The following TRAF2 variants were observed in gnomAD, a reference collection of about 807,000 sequenced individuals.
TRAF2 encodes TNF receptor associated factor 2, also known as TNF receptor-associated factor 2.
In TRAF2, 6 loss-of-function variants were observed where a neutral mutation model predicts 55.6. The observed-to-expected ratio is 0.11, with a 90% CI of 0.06 to 0.21. The LOEUF is 0.21. TRAF2 is among the 10% of genes least tolerant of loss of function. The pLI, the probability that TRAF2 is intolerant of heterozygous loss-of-function variation, is 1.00. For synonymous variants in TRAF2, 329 were observed against 276.3 expected (o/e 1.19, Z -1.89); for missense variants, 561 against 684.5 (o/e 0.82, Z 2.01).
intron 1 of TRAF2, among the ~76,000 whole-genome samples, chr9:136,891,682 A>G (rs891577665): frequency 1.3e-5 from 2 of 150,570 alleles, no homozygotes; most frequent in Non-Finnish European, 3.0e-5. Context: ...GCACCAGGAC[A>G]CTCTTCAGTG....
rs764756357 is a variant in TRAF2 at position 136,908,225 on chromosome 9, C to T, written c.522C>T (p.Asp174=). The change falls in exon 5 of 11, where the codon GAC becomes GAT. Residue 174 remains aspartate, a synonymous_variant. Transcript: ENST00000247668. ...GCCGGGCACCCTGCTGCGGAGCAGA[C>T]GTGAAGGTGCGTGGGGTGGAGCAGC... The part of the protein sequence containing the change: ...RHCRAPCCGA[D]VKAHHEVCPK... 20 of 1,578,532 alleles carry T rather than the reference C, an allele frequency of 1.3e-5. No individual in the cohort carries two copies. Among genetic ancestry groups the T allele is most frequent in the Middle Eastern group, 1.7e-4 (1 of 5,964 alleles).
chr9:136,915,557 G>T (rs534680865), intron 6 of TRAF2, among the ~76,000 whole-genome samples: 3 of 152,222 alleles, frequency 2.0e-5, no homozygotes, highest in African/African-American at 7.2e-5. Context: ...ACCGAGAGCT[G>T]ATTTCAGGTA....
chr9:136,914,127 G>T (rs781557798), intron 6 of TRAF2, among the ~76,000 whole-genome samples: 1 of 152,254 alleles, frequency 6.6e-6, no homozygotes, highest in Middle Eastern at 3.4e-3. Context: ...GGGCCTGGGG[G>T]TTGCCCTCCT....
chr9:136,911,771 G>A (rs867470276), intron 6 of TRAF2, among the ~76,000 whole-genome samples: 4 of 151,656 alleles, frequency 2.6e-5, no homozygotes, highest in African/African-American at 7.3e-5. Flanking sequence ...CCCCTGGCCC[G>A]TTCCAGAGGA....
chr9:136,914,093 C>T lies in TRAF2; in HGVS notation c.604-2448C>T, dbSNP rs143755511. Among the ~76,000 whole-genome samples, 73 of 152,306 alleles carry T rather than the reference C, an allele frequency of 4.8e-4. 1 individual carries two copies. The highest frequency in any genetic ancestry group is 1.5e-3 in the African/African-American group (64 of 41,586). ...TGGTGATGCTGGCAGGAACCACAGA[C>T]GGGCAGTGTTTAGTGTTTCCTGGGG... On this transcript the variant is annotated intron_variant, in intron 6 of 10. Coordinates refer to ENST00000247668, the MANE Select transcript of TRAF2 (RefSeq NM_021138.4).
chr9:136,891,727 T>G (rs1001865501), intron 1 of TRAF2, among the ~76,000 whole-genome samples: 8 of 151,370 alleles, frequency 5.3e-5, no homozygotes, highest in Non-Finnish European at 1.2e-4. Flanking sequence ...CCTGAATCTT[T>G]TTTTTTTTTT....
intron 1 of TRAF2, among the ~76,000 whole-genome samples, chr9:136,896,493 C>A (rs575010170): frequency 6.6e-6 from 1 of 152,344 alleles, no homozygotes; most frequent in African/African-American, 2.4e-5. Context: ...CGAGTCTGTT[C>A]TCTTGGGCGT....
rs554817661 is a variant in TRAF2 at position 136,910,405 on chromosome 9, G to A, written c.603+411G>A. Among the ~76,000 whole-genome samples the A allele has an allele frequency of 1.4e-4, 21 of 152,218 alleles. No homozygotes were observed. The South Asian group carries it at 2.5e-3, about 18-fold the overall frequency. ...CCTAGTCTGGTCTGCTGCCACAGCCGTGAAATGTGGGTGGCTCGCCTGGCA... is the reference window on the plus strand; with the variant it reads ...CCTAGTCTGGTCTGCTGCCACAGCCATGAAATGTGGGTGGCTCGCCTGGCA... On this transcript the variant is annotated intron_variant, in intron 6 of 10. Coordinates refer to ENST00000247668, the MANE Select transcript of TRAF2 (RefSeq NM_021138.4).
chr9:136,900,328 C>T (rs898487286), intron 3 of TRAF2, 94 bp from the exon 4 acceptor site: 1 of 755,890 alleles, frequency 1.3e-6, no homozygotes, highest in Non-Finnish European at 2.1e-6. Context: ...CGATGTGACG[C>T]AGTATTGGTT....
chr9:136,894,365 G>A (rs1281843179), intron 1 of TRAF2, among the ~76,000 whole-genome samples: 9 of 151,322 alleles, frequency 5.9e-5, no homozygotes, highest in Admixed American at 1.3e-4. Context: ...CTTTTTCAGG[G>A]GTTTACAGGT....
chr9:136,898,766 C>A lies in TRAF2; in HGVS notation c.26C>A (p.Pro9His), dbSNP rs532828294. Reference protein sequence around the residue: MAAASVTPPGSLELLQPGF... With the variant: MAAASVTPHGSLELLQPGF... ...ATGGCTGCAGCTAGCGTGACCCCCCCTGGCTCCCTGGAGTTGCTACAGCCC... is the reference window on the plus strand; with the variant it reads ...ATGGCTGCAGCTAGCGTGACCCCCCATGGCTCCCTGGAGTTGCTACAGCCC... The change falls in exon 2 of 11, where the codon CCT (proline) becomes CAT (histidine). Residue 9 changes from proline (P) to histidine (H), a missense_variant. Pro to His is a moderately conservative substitution (Grantham distance 77, BLOSUM62 -2). Coordinates refer to ENST00000247668, the MANE Select transcript of TRAF2 (RefSeq NM_021138.4). The A allele has an allele frequency of 3.7e-6, 6 of 1,613,684 alleles. No homozygotes were observed. Among genetic ancestry groups the A allele is most frequent in the Admixed American group, 3.3e-5 (2 of 60,026 alleles).
rs548627002 is a variant in TRAF2 at position 136,907,046 on chromosome 9, G to A, written c.367-1024G>A. Among the ~76,000 whole-genome samples the A allele has an allele frequency of 2.6e-5, 4 of 152,380 alleles. No homozygotes were observed. In the South Asian group the frequency reaches 8.3e-4, roughly 32 times the overall value. On this transcript the variant is annotated intron_variant, in intron 4 of 10. Transcript: ENST00000247668. Reference sequence around the variant, plus strand: ...AGACGGTCGGGGAAGCCCTGCCTGGGGCAGCAGTGGGCTGGAGAGGTGGCT... The same window carrying A: ...AGACGGTCGGGGAAGCCCTGCCTGGAGCAGCAGTGGGCTGGAGAGGTGGCT...
intron 1 of TRAF2, among the ~76,000 whole-genome samples, chr9:136,894,209 G>A (rs1302900697): frequency 6.6e-6 from 1 of 151,726 alleles, no homozygotes; most frequent in Non-Finnish European, 1.5e-5. Flanking sequence ...ACAATGTCCG[G>A]CTAATTTTTG....
intron 4 of TRAF2, among the ~76,000 whole-genome samples, chr9:136,903,702 G>A (rs1264878232): frequency 6.6e-6 from 1 of 151,802 alleles, no homozygotes; most frequent in Admixed American, 6.6e-5. Context: ...TGTTTTTTGC[G>A]ATGGAGTCTC....
Position 136,898,976 on chromosome 9 carries a change from G to C in TRAF2, c.188+48G>C, listed in dbSNP as rs535049141. On this transcript the variant is annotated intron_variant, in intron 2 of 10. Transcript: ENST00000247668. ...GAGGAGGGGCAGGCAGGCTAGGCTG[G>C]TTTTAGAGCCACGCTGCCCAGCCTG... 66 of 1,540,168 alleles carry C rather than the reference G, an allele frequency of 4.3e-5. No homozygotes were observed. In the East Asian group the frequency reaches 1.6e-3, roughly 37 times the overall value.
At position 136,909,971 on chromosome 9, in the gene TRAF2, A is replaced by G; in HGVS notation, c.580A>G (p.Lys194Glu). The G allele has an allele frequency of 6.2e-7, 1 of 1,613,934 alleles. No homozygotes were observed. The highest frequency in any genetic ancestry group is 8.5e-7 in the Non-Finnish European group (1 of 1,179,864). The part of the protein sequence containing the change: ...KFPLTCDGCG[K>E]KKIPREKFQD... ...CCCCTTAACTTGTGACGGCTGCGGC[A>G]AGAAGAAGATCCCCCGGGAGAAGGT... The change falls in exon 6 of 11, where the codon AAG (lysine) becomes GAG (glutamate). Residue 194 changes from lysine to glutamate, a missense_variant. Physicochemically the swap from Lys to Glu is moderately conservative, Grantham distance 56 (BLOSUM62 1). Coordinates refer to ENST00000247668, the MANE Select transcript of TRAF2 (RefSeq NM_021138.4).
intron 2 of TRAF2, among the ~76,000 whole-genome samples, chr9:136,899,162 A>C (rs1849756759): frequency 6.6e-6 from 1 of 152,240 alleles, no homozygotes; most frequent in Admixed American, 6.5e-5. Context: ...ACGTCATTAC[A>C]GTTAATTTTA....
rs1850002437 is a variant in TRAF2, at chr9:136,908,150, G to A, written c.447G>A (p.Glu149=). The A allele has an allele frequency of 6.2e-7, 1 of 1,604,420 alleles. No homozygotes were observed. The highest frequency in any genetic ancestry group is 2.2e-5 in the East Asian group (1 of 44,882). Residue 149 remains glutamate (E), a synonymous_variant, in exon 5 of 11, where the codon GAG becomes GAA. Coordinates refer to ENST00000247668, the MANE Select transcript of TRAF2 (RefSeq NM_021138.4). ...CKGLVRLGEK[E]RHLEHECPER... ...GCCTGGTCCGCCTTGGTGAAAAGGA[G>A]CGCCACCTGGAGCACGAGTGCCCGG...
chr9:136,889,014 G>A lies in TRAF2; in HGVS notation c.-29+2473G>A, dbSNP rs538832367. 2.2e-4 allele frequency among the ~76,000 whole-genome samples: 33 copies of A among 151,720 alleles called. 1 individual carries two copies. In the South Asian group the frequency reaches 6.9e-3, roughly 32 times the overall value. Reference sequence around the variant, plus strand: ...CCGAGTAGCTGGACTACAGGCACCCGCCACCACGCCCAGCTAATTTTTTGT... The same window carrying A: ...CCGAGTAGCTGGACTACAGGCACCCACCACCACGCCCAGCTAATTTTTTGT... On this transcript the variant is annotated intron_variant, in intron 1 of 10. Transcript: ENST00000247668.
Sources: gnomAD v4.1 joint callset for allele counts (sites outside exome capture counted in the v4.1 genomes callset) on GRCh38, gnomAD v4.1.1 for gene constraint, MANE v1.5 for transcripts, NCBI Gene and HGNC (gene_info 2026-07-23, HGNC 2026-07-21) for gene names.